JARID2: variants seen among roughly 807,000 people sequenced by gnomAD.
The protein encoded by JARID2 is jumonji and AT-rich interaction domain containing 2.
Under a neutral mutation model 125.6 loss-of-function variants are expected in JARID2, and 21 were observed. The observed-to-expected ratio is 0.17, with a 90% CI of 0.12 to 0.24. JARID2 has a LOEUF of 0.24. Ranked by LOEUF, JARID2 falls within the 10% of genes least tolerant of loss-of-function variation. JARID2 has a pLI of 1.00. For synonymous variants in JARID2, 736 were observed against 661.6 expected (o/e 1.11, Z -1.73); for missense variants, 1,303 against 1,639.6 (o/e 0.79, Z 3.55).
rs542284574 is a variant in JARID2, at chr6:15,478,203, G to A, written c.671-9104G>A. 1.6e-4 allele frequency among the ~76,000 whole-genome samples: 24 copies of A among 152,274 alleles called. No individual in the cohort carries two copies. In the South Asian group the frequency reaches 4.8e-3, roughly 30 times the overall value. On this transcript the variant is annotated intron_variant, in intron 5 of 17. Coordinates refer to ENST00000341776, the MANE Select transcript of JARID2 (RefSeq NM_004973.4). The stretch of plus-strand genomic sequence containing the variant: ...GCAGCTAGAAGATGGTGTATCTGGT[G>A]GTGGAAGAGAAGCTCCTGGCTCTGA...
At position 15,501,370 on chromosome 6, in the gene JARID2, C is replaced by A. The variant is rs1308726993; in HGVS notation, c.2409C>A (p.Asp803Glu). The A allele has an allele frequency of 8.3e-6, 13 of 1,569,200 alleles. No individual in the cohort carries two copies. Among genetic ancestry groups the A allele is most frequent in the Non-Finnish European group, 1.1e-5 (13 of 1,157,154 alleles). ...EKEVVKEEEE[D>E]KGVLNDFHKC... is the part of the protein sequence containing the mutation. Reference sequence around the variant, plus strand: ...AAGTGGTCAAGGAAGAGGAGGAGGACAAAGGCGTCCTCAATGACTTCCACA... The same window carrying A: ...AAGTGGTCAAGGAAGAGGAGGAGGAAAAAGGCGTCCTCAATGACTTCCACA... Residue 803 changes from aspartate to glutamate, a missense_variant, in exon 8 of 18, where the codon GAC becomes GAA. Physicochemically the swap from Asp to Glu is conservative, Grantham distance 45. This residue lies in a region of JARID2 where 124 missense variants were observed against 131.0 expected (regional missense o/e 0.95). Transcript: ENST00000341776.
chr6:15,246,725 C>G (rs1344517566), intron 1 of JARID2, 141 bp downstream of exon 1: 7 of 767,496 alleles, frequency 9.1e-6, no homozygotes, highest in Admixed American at 2.5e-5. Flanking sequence ...TGAAAGAGGG[C>G]TTTTCAAGCA....
At chr6:15,281,292 T>C (rs982829417) in intron 1 of JARID2, among the ~76,000 whole-genome samples, 2 of 152,264 alleles carry the variant, frequency 1.3e-5, no homozygotes, top group African/African-American at 4.8e-5. Context: ...CCACACTGGC[T>C]GTGTCTCACT....
At chr6:15,310,247 GT>G (rs1212325619) in intron 1 of JARID2, among the ~76,000 whole-genome samples, 1 of 152,140 alleles carries the variant, frequency 6.6e-6, no homozygotes, top group African/African-American at 2.4e-5. Flanking sequence ...ATGAATATTA[GT>G]TTTTATCAAA....
At position 15,511,390 on chromosome 6, in the gene JARID2, A is replaced by G. The variant is rs1771271618; in HGVS notation, c.2941A>G (p.Ser981Gly). The G allele has an allele frequency of 6.2e-7, 1 of 1,612,432 alleles. No individual in the cohort carries two copies. Among genetic ancestry groups the G allele is most frequent in the Non-Finnish European group, 8.5e-7 (1 of 1,179,108 alleles). Residue 981 changes from serine to glycine, a missense_variant, in exon 13 of 18, where the codon AGC becomes GGC. By Grantham distance (56) the Ser-to-Gly change is moderately conservative (BLOSUM62 0). Coordinates refer to ENST00000341776, the MANE Select transcript of JARID2 (RefSeq NM_004973.4). ...NGTPGLQMLE[S>G]NVMISPEVLC... ...CACCCCAGGGCTGCAGATGCTGGAA[A>G]GCAACGTCATGGTGCGTCCACTCAG...
chr6:15,357,107 A>G (rs1763628699), intron 1 of JARID2, among the ~76,000 whole-genome samples: 1 of 152,206 alleles, frequency 6.6e-6, no homozygotes, highest in Non-Finnish European at 1.5e-5. Flanking sequence ...AGAGTGAAAG[A>G]CCATCTCTAG....
At chr6:15,413,063 A>C (rs1056336650) in intron 3 of JARID2, among the ~76,000 whole-genome samples, 3 of 109,428 alleles carry the variant, frequency 2.7e-5, no homozygotes, top group African/African-American at 3.6e-5. Context: ...TTTGTTGCCC[A>C]GGCTGCAGTG....
At chr6:15,502,170 A>G (rs947961635) in intron 8 of JARID2, among the ~76,000 whole-genome samples, 1 of 152,200 alleles carries the variant, frequency 6.6e-6, no homozygotes, top group African/African-American at 2.4e-5. Flanking sequence ...CAGCACACTC[A>G]TCCTGAGGAG....
At position 15,463,072 on chromosome 6, in the gene JARID2, GTTCAGATTTTT is replaced by G. The variant is rs550994901; in HGVS notation, c.494-5467_494-5457del. Among the ~76,000 whole-genome samples the G allele has an allele frequency of 2.0e-5, 3 of 151,614 alleles. No individual in the cohort carries two copies. In the South Asian group the frequency reaches 6.2e-4, roughly 31 times the overall value. On this transcript the variant is annotated intron_variant, in intron 4 of 17. Coordinates refer to ENST00000341776, the MANE Select transcript of JARID2 (RefSeq NM_004973.4). Reference sequence around the variant, plus strand: ...CTCTGATTGCTCTTATCTGATCCAAGTTCAGATTTTTTTTACATTTGCTAATGCACTTGAAT... The same window carrying G: ...CTCTGATTGCTCTTATCTGATCCAAGTTTACATTTGCTAATGCACTTGAAT...
intron 3 of JARID2, among the ~76,000 whole-genome samples, chr6:15,418,015 C>T (rs1344908183): frequency 1.3e-5 from 2 of 152,088 alleles, no homozygotes; most frequent in Admixed American, 1.3e-4. Context: ...TATTGAGTCA[C>T]GGGAAGGACC....
chr6:15,267,362 A>C (rs773605349), intron 1 of JARID2, among the ~76,000 whole-genome samples: 5 of 152,314 alleles, frequency 3.3e-5, no homozygotes, highest in African/African-American at 1.2e-4. Flanking sequence ...GAGGGGCAGC[A>C]AAAGGCATGT....
At chr6:15,489,572 G>C (rs1252262447) in intron 6 of JARID2, among the ~76,000 whole-genome samples, 1 of 152,244 alleles carries the variant, frequency 6.6e-6, no homozygotes, top group Admixed American at 6.5e-5. Flanking sequence ...TAGTACAGTT[G>C]GACAGAGGAA....
chr6:15,516,501 G>T (rs1771567374), intron 16 of JARID2, among the ~76,000 whole-genome samples: 1 of 152,214 alleles, frequency 6.6e-6, no homozygotes, highest in African/African-American at 2.4e-5. Flanking sequence ...GACAGCTGTG[G>T]GCTTTGTGGA....
chr6:15,381,787 G>A (rs562131715), intron 2 of JARID2, among the ~76,000 whole-genome samples: 1 of 152,282 alleles, frequency 6.6e-6, no homozygotes, highest in Non-Finnish European at 1.5e-5. Flanking sequence ...CTTTGGTCAA[G>A]TCCTAATACC....
At chr6:15,422,499 C>T (rs555724155) in intron 3 of JARID2, among the ~76,000 whole-genome samples, 18 of 152,282 alleles carry the variant, frequency 1.2e-4, no homozygotes, top group African/African-American at 3.4e-4. Flanking sequence ...CAGCAATTCT[C>T]GCTGGGCTGT....
chr6:15,464,058 T>G (rs781417333), intron 4 of JARID2, among the ~76,000 whole-genome samples: 2 of 152,238 alleles, frequency 1.3e-5, no homozygotes, highest in African/African-American at 2.4e-5. Flanking sequence ...CTTATGCATT[T>G]GAGGTTGTTA....
intron 5 of JARID2, among the ~76,000 whole-genome samples, chr6:15,472,243 C>T (rs1769111621): frequency 6.6e-6 from 1 of 151,882 alleles, no homozygotes; most frequent in Admixed American, 6.6e-5. Context: ...TGCCCTTGCC[C>T]TCCTTGCTGT....
chr6:15,353,922 A>G (rs1581446944), intron 1 of JARID2, among the ~76,000 whole-genome samples: 1 of 152,158 alleles, frequency 6.6e-6, no homozygotes, highest in South Asian at 2.1e-4. Flanking sequence ...ACAAATGGGG[A>G]AAAAAATCTG....
At chr6:15,438,450 T>C (rs1030014915) in intron 3 of JARID2, among the ~76,000 whole-genome samples, 1 of 152,236 alleles carries the variant, frequency 6.6e-6, no homozygotes, top group Non-Finnish European at 1.5e-5. Flanking sequence ...CGTAGCTTTT[T>C]TCATCTGTGA....
Sources: allele counts gnomAD v4.1 joint callset (sites outside exome capture counted in the v4.1 genomes callset), GRCh38; gene constraint gnomAD v4.1.1; regional missense constraint gnomAD v4.1.1; transcripts MANE v1.5; gene names NCBI Gene and HGNC (gene_info 2026-07-23, HGNC 2026-07-21).